The following CELF2 variants were observed in gnomAD, a reference collection of about 807,000 sequenced individuals.
CELF2 encodes the protein CUGBP Elav-like family member 2, also known as CUG triplet repeat RNA-binding protein 2.
CELF2 carries 8 observed loss-of-function variants against 62.6 expected under a neutral mutation model. The ratio of observed to expected loss-of-function variants is 0.13; its 90% confidence interval spans 0.07 to 0.23. The LOEUF is 0.23. Ranked by LOEUF, CELF2 falls within the 10% of genes least tolerant of loss-of-function variation. The probability of loss-of-function intolerance (pLI) is 1.00; values close to 1 mark genes in which losing one functional copy is unlikely to be tolerated. For missense variants in CELF2, 333 were observed against 671.0 expected (o/e 0.50, Z 5.56); for synonymous variants, 258 against 250.0 (o/e 1.03, Z -0.30).
the CELF2 span, among the ~76,000 whole-genome samples, chr10:10,666,917 C>G: frequency 2.0e-5 from 3 of 151,782 alleles, no homozygotes; most frequent in Non-Finnish European, 4.4e-5. Context: ...AACCTTTAGC[C>G]TATTTTCAGT....
intron 1 of CELF2, among the ~76,000 whole-genome samples, chr10:10,867,144 T>A (rs559967359): frequency 7.9e-5 from 12 of 152,218 alleles, no homozygotes; most frequent in African/African-American, 2.7e-4. Flanking sequence ...TGATTTATAC[T>A]GTCTGCATAT....
chr10:10,511,023 G>C, the CELF2 span, among the ~76,000 whole-genome samples: 1 of 152,234 alleles, frequency 6.6e-6, no homozygotes, highest in Non-Finnish European at 1.5e-5. Context: ...GGGCCCCATA[G>C]GCCTGCCTGG....
intron 2 of CELF2, among the ~76,000 whole-genome samples, chr10:10,945,131 A>C (rs2047509953): frequency 6.6e-6 from 1 of 152,210 alleles, no homozygotes; most frequent in Admixed American, 6.5e-5. Context: ...AGAGAGTCTT[A>C]GACATTCAGC....
chr10:11,327,544 G>A (rs971825273), intron 12 of CELF2, among the ~76,000 whole-genome samples: 1 of 152,178 alleles, frequency 6.6e-6, no homozygotes, highest in South Asian at 2.1e-4. Flanking sequence ...TCATAAGGTA[G>A]TGCCCCGTTC....
At chr10:11,236,802 G>A (rs1363789371) in intron 3 of CELF2, among the ~76,000 whole-genome samples, 2 of 152,140 alleles carry the variant, frequency 1.3e-5, no homozygotes, top group Non-Finnish European at 2.9e-5. Flanking sequence ...AAGGAAATAC[G>A]TGTGTACGTG....
chr10:10,481,360 A>T, the CELF2 span, among the ~76,000 whole-genome samples: 1 of 152,212 alleles, frequency 6.6e-6, no homozygotes, highest in Non-Finnish European at 1.5e-5. Flanking sequence ...TCATGTACCT[A>T]GTATATGTTG....
At chr10:11,228,718 CAAAAAA>C (rs56167230) in intron 3 of CELF2, among the ~76,000 whole-genome samples, 16 of 135,172 alleles carry the variant, frequency 1.2e-4, no homozygotes, top group Admixed American at 2.3e-4. Context: ...GCGCCCCTCG[CAAAAAA>C]AAAAAAAAAA....
rs1417459556 is a variant in CELF2 at position 10,972,517 on chromosome 10, C to T, written c.89+52518C>T. On this transcript the variant is annotated intron_variant, in intron 2 of 13. Transcript: ENST00000636488. This position sits in a 1 kb window ranked among gnomAD's most constrained non-coding sequence, Gnocchi z 4.4. Reference sequence around the variant, plus strand: ...TCTCCTTTCTCTTGGTATTTCTCAGCTTTCTGCTTTGACCCACTGCTCTTC... The same window carrying T: ...TCTCCTTTCTCTTGGTATTTCTCAGTTTTCTGCTTTGACCCACTGCTCTTC... Among the ~76,000 whole-genome samples the T allele has an allele frequency of 6.6e-6, 1 of 152,194 alleles. No individual in the cohort carries two copies. Among genetic ancestry groups the T allele is most frequent in the Non-Finnish European group, 1.5e-5 (1 of 68,026 alleles).
chr10:10,719,687 A>G, the CELF2 span, among the ~76,000 whole-genome samples: 1 of 152,134 alleles, frequency 6.6e-6, no homozygotes, highest in African/African-American at 2.4e-5. Context: ...CCTTCCACGT[A>G]TCACCTTGCT....
the CELF2 span, among the ~76,000 whole-genome samples, chr10:10,489,087 C>A: frequency 6.6e-6 from 1 of 152,034 alleles, no homozygotes; most frequent in East Asian, 1.9e-4. Flanking sequence ...ACACCCAGCC[C>A]TGTAAAGTGC....
chr10:11,289,766 G>A (rs1049054365), intron 9 of CELF2, among the ~76,000 whole-genome samples: 1 of 152,202 alleles, frequency 6.6e-6, no homozygotes, highest in Non-Finnish European at 1.5e-5. Flanking sequence ...ATTTCAGGAA[G>A]TTAAGTGATA....
chr10:10,984,165 GA>G (rs1182568134), intron 2 of CELF2, among the ~76,000 whole-genome samples: 1 of 152,186 alleles, frequency 6.6e-6, no homozygotes, highest in Non-Finnish European at 1.5e-5. Context: ...CACAGATGAG[GA>G]AATAGGTTCC....
chr10:11,118,859 T>G (rs2143928476), intron 1 of CELF2, among the ~76,000 whole-genome samples: 1 of 152,344 alleles, frequency 6.6e-6, no homozygotes, highest in East Asian at 1.9e-4. Flanking sequence ...CAGTTCTATT[T>G]TGGTCCTGAC....
intron 2 of CELF2, among the ~76,000 whole-genome samples, chr10:11,174,940 T>C (rs1471780065): frequency 6.6e-6 from 1 of 152,160 alleles, no homozygotes; most frequent in Non-Finnish European, 1.5e-5. Flanking sequence ...TTGCTATCAA[T>C]TTTAATACCT....
the CELF2 span, among the ~76,000 whole-genome samples, chr10:10,611,191 G>C: frequency 2.0e-5 from 3 of 152,094 alleles, no homozygotes; most frequent in African/African-American, 7.2e-5. Context: ...CCAGAACCAA[G>C]CTGGCAACTG....
rs1162402310 is a variant in CELF2 at position 11,159,748 on chromosome 10, T to C, written c.75-5738T>C. On this transcript the variant is annotated intron_variant, in intron 1 of 12. Coordinates refer to ENST00000633077, the MANE Select transcript of CELF2 (RefSeq NM_001326342.2). This position sits in a 1 kb window ranked among gnomAD's most constrained non-coding sequence, Gnocchi z 5.0. ...CCCATCGCCAGGTTCTTTCTGCTTT[T>C]GCCTTAAGCAGCTGAGTCTTGGACA... is the stretch of plus-strand genomic sequence containing the variant. 6.6e-6 allele frequency among the ~76,000 whole-genome samples: 1 copy of C among 152,248 alleles called. No homozygotes were observed. Among genetic ancestry groups the C allele is most frequent in the Non-Finnish European group, 1.5e-5 (1 of 68,040 alleles).
At position 11,316,945 on chromosome 10, in the gene CELF2, G is replaced by A. The variant is rs2095047486; in HGVS notation, c.1096+2687G>A. On this transcript the variant is annotated intron_variant, in intron 10 of 12. Coordinates refer to ENST00000633077, the MANE Select transcript of CELF2 (RefSeq NM_001326342.2). This position sits in a 1 kb window ranked among gnomAD's most constrained non-coding sequence, Gnocchi z 4.4. The stretch of plus-strand genomic sequence containing the variant: ...ATCCAGATCAGAAGAAGGAACACAT[G>A]TGATTGACCATCAGAGTGTTCACCT... 1 of 152,230 alleles carries A rather than the reference G, an allele frequency of 6.6e-6. No homozygotes were observed. The highest frequency in any genetic ancestry group is 6.5e-5 in the Admixed American group (1 of 15,290). 9.4% of individuals were successfully genotyped at this position (152,230 alleles called of 1,614,324 possible).
intron 1 of CELF2, among the ~76,000 whole-genome samples, chr10:10,870,934 C>T (rs1186719747): frequency 6.6e-6 from 1 of 152,168 alleles, no homozygotes; most frequent in Admixed American, 6.5e-5. Context: ...GACTCACTAA[C>T]GCAGTGGCCC....
At chr10:10,790,043 A>G in the CELF2 span, among the ~76,000 whole-genome samples, 7 of 152,038 alleles carry the variant, frequency 4.6e-5, no homozygotes, top group Admixed American at 1.3e-4. Context: ...CTAATTTTCT[A>G]TGGCTTCACT....
Sources: allele counts gnomAD v4.1 joint callset (sites outside exome capture counted in the v4.1 genomes callset), GRCh38; gene constraint gnomAD v4.1.1; non-coding constraint Gnocchi (gnomAD v3.1); transcripts MANE v1.5; gene names NCBI Gene and HGNC (gene_info 2026-07-23, HGNC 2026-07-21).